RMND5A: variants seen among roughly 807,000 people sequenced by gnomAD.
RMND5A encodes required for meiotic nuclear division 5 homolog A.
In RMND5A, 17 loss-of-function variants were observed where a neutral mutation model predicts 49.7. That is an observed-to-expected ratio of 0.34 (90% CI 0.23 to 0.51). The LOEUF is 0.51. Ranked by LOEUF, RMND5A falls within the 20% of genes least tolerant of loss-of-function variation. RMND5A has a pLI of 0.96. For synonymous variants in RMND5A, 156 were observed against 167.7 expected (o/e 0.93, Z 0.54); for missense variants, 255 against 471.3 (o/e 0.54, Z 4.25).
At chr2:86,772,629 C>T (rs1413418422) in intron 8 of RMND5A, among the ~76,000 whole-genome samples, 5 of 150,274 alleles carry the variant, frequency 3.3e-5, no homozygotes, top group African/African-American at 1.2e-4. Context: ...GAGTCTCACT[C>T]CATCATTCAG....
chr2:86,755,197 C>A (rs1002834367), intron 4 of RMND5A, among the ~76,000 whole-genome samples: 6 of 151,674 alleles, frequency 4.0e-5, no homozygotes, highest in Non-Finnish European at 8.8e-5. Context: ...GCTCACTGCA[C>A]ACTCTCAAAC....
chr2:86,743,835 A>G (rs990416903), intron 2 of RMND5A, among the ~76,000 whole-genome samples: 1 of 151,896 alleles, frequency 6.6e-6, no homozygotes, highest in Non-Finnish European at 1.5e-5. Context: ...AAAATACAAA[A>G]AAAAATTAGG....
chr2:86,765,828 A>ACT, intron 5 of RMND5A, 31 bp from the exon 6 acceptor site: 1 of 1,604,506 alleles, frequency 6.2e-7, no homozygotes, highest in African/African-American at 1.3e-5. Context: ...CTGCAAGCAA[A>ACT]CTAATGCTTT....
intron 4 of RMND5A, among the ~76,000 whole-genome samples, chr2:86,759,195 G>A (rs374677496): frequency 1.3e-5 from 2 of 152,166 alleles, no homozygotes; most frequent in African/African-American, 4.8e-5. Context: ...AGGGAGAACC[G>A]CTAACTATGA....
At chr2:86,749,364 A>AT (rs937419190) in intron 2 of RMND5A, among the ~76,000 whole-genome samples, 7 of 151,870 alleles carry the variant, frequency 4.6e-5, no homozygotes, top group African/African-American at 1.7e-4. Context: ...TTGCTTTAGC[A>AT]TCTAGGTACT....
Position 86,759,059 on chromosome 2 carries a change from G to A in RMND5A, c.521+5501G>A, listed in dbSNP as rs1681797218. Among the ~76,000 whole-genome samples the A allele has an allele frequency of 2.6e-5, 4 of 152,134 alleles. No homozygotes were observed. In the South Asian group the frequency reaches 8.3e-4, roughly 32 times the overall value. On this transcript the variant is annotated intron_variant, in intron 4 of 8. Coordinates refer to ENST00000283632, the MANE Select transcript of RMND5A (RefSeq NM_022780.4). ...TTAAATGCTGTGAAAGGTTACAGTG[G>A]AATGTGCTGTGGGATTGGCAAGAGG... is the stretch of plus-strand genomic sequence containing the variant.
In RMND5A at chr2:86,773,889, A is replaced by C. The variant is rs560632823; in HGVS notation, c.*478A>C. On this transcript the variant is annotated 3_prime_UTR_variant, in exon 9 of 9. Coordinates refer to ENST00000283632, the MANE Select transcript of RMND5A (RefSeq NM_022780.4). The stretch of plus-strand genomic sequence containing the variant: ...TTTGATAAATTGAATTGTGGTTATG[A>C]AACTAATTTGCATTTTTATTTGCTT... 3.9e-5 allele frequency: 6 copies of C among 152,826 alleles called. No homozygotes were observed. Among genetic ancestry groups the C allele is most frequent in the African/African-American group, 1.2e-4 (5 of 41,578 alleles). The allele number at this position is 152,826 out of a possible 1,614,324, so 9.5% of individuals were successfully genotyped here.
chr2:86,771,031 T>C (rs866153866), intron 7 of RMND5A, among the ~76,000 whole-genome samples: 2 of 152,248 alleles, frequency 1.3e-5, no homozygotes, highest in Non-Finnish European at 2.9e-5. Context: ...CCCTGTCAGT[T>C]GGTTGCCCCA....
intron 4 of RMND5A, among the ~76,000 whole-genome samples, chr2:86,759,827 G>A (rs994738568): frequency 1.3e-5 from 2 of 152,030 alleles, no homozygotes; most frequent in South Asian, 2.1e-4. Context: ...GAGGAAGGAA[G>A]GGGGAGGGGC....
At chr2:86,771,062 T>C (rs1284433101) in intron 7 of RMND5A, among the ~76,000 whole-genome samples, 4 of 152,236 alleles carry the variant, frequency 2.6e-5, no homozygotes, top group African/African-American at 9.6e-5. Flanking sequence ...AAAGATCTTT[T>C]CTGATTAAAG....
chr2:86,720,858 C>G (rs765280455), intron 1 of RMND5A, 49 bp downstream of exon 1: 2 of 1,492,826 alleles, frequency 1.3e-6, no homozygotes, highest in African/African-American at 1.4e-5. Flanking sequence ...TGCCCGAGCC[C>G]CGGTCCCGGC....
At chr2:86,724,031 G>C (rs1445444740) in intron 1 of RMND5A, among the ~76,000 whole-genome samples, 1 of 151,644 alleles carries the variant, frequency 6.6e-6, no homozygotes. Flanking sequence ...ATTGGTTTGT[G>C]CTCTGCCATT....
intron 4 of RMND5A, among the ~76,000 whole-genome samples, chr2:86,763,726 C>T (rs188342959): frequency 1.4e-4 from 21 of 151,740 alleles, no homozygotes; most frequent in Middle Eastern, 3.4e-3. Flanking sequence ...CAGTGAGCCA[C>T]GATTACACTA....
chr2:86,745,899 G>A (rs1233586318), intron 2 of RMND5A, among the ~76,000 whole-genome samples: 2 of 152,156 alleles, frequency 1.3e-5, no homozygotes, highest in Non-Finnish European at 2.9e-5. Flanking sequence ...TAAACACTGT[G>A]CTGTACTAGG....
chr2:86,752,083 G>A, intron 3 of RMND5A, 53 bp downstream of exon 3: 1 of 1,580,602 alleles, frequency 6.3e-7, no homozygotes, highest in Non-Finnish European at 8.6e-7. Context: ...GAACTCCTTG[G>A]AGTTTATAGT....
intron 2 of RMND5A, chr2:86,748,366 T>G (rs1267044801): frequency 1.3e-5 from 2 of 152,246 alleles, no homozygotes; most frequent in East Asian, 3.8e-4. Context: ...TAGTTTATAC[T>G]GGAAAATCAG....
At chr2:86,751,853 A>G (rs1364790519) in intron 2 of RMND5A, 43 bp from the exon 3 acceptor site, 1 of 1,586,592 alleles carries the variant, frequency 6.3e-7, no homozygotes. Flanking sequence ...AAGTGGGGTG[A>G]AAATAATCTA....
At chr2:86,753,419 T>A (rs1025749629) in intron 3 of RMND5A, 39 bp from the exon 4 acceptor site, 1 of 1,227,548 alleles carries the variant, frequency 8.1e-7, no homozygotes, top group Non-Finnish European at 1.2e-6. Flanking sequence ...TTACCCTGAT[T>A]ACTGCTAACA....
chr2:86,764,017 G>A (rs1346775805), intron 4 of RMND5A, among the ~76,000 whole-genome samples: 2 of 152,330 alleles, frequency 1.3e-5, no homozygotes, highest in East Asian at 3.9e-4. Flanking sequence ...TGCTTGTGCA[G>A]CCCTTTCTGG....
Sources: allele counts gnomAD v4.1 joint callset (sites outside exome capture counted in the v4.1 genomes callset), GRCh38; gene constraint gnomAD v4.1.1; transcripts MANE v1.5; gene names NCBI Gene and HGNC (gene_info 2026-07-23, HGNC 2026-07-21).